Variants in R3HCC1L observed in about 807,000 individuals in gnomAD.
The protein encoded by R3HCC1L is coiled-coil domain-containing protein R3HCC1L.
R3HCC1L carries 51 observed loss-of-function variants against 59.9 expected under a neutral mutation model. The observed-to-expected ratio is 0.85, with a 90% confidence interval of 0.68 to 1.07. The LOEUF (loss-of-function observed/expected upper bound fraction) is 1.07, where lower values mean the gene tolerates loss of function less well. R3HCC1L is among the 50% of genes least tolerant of loss of function. The pLI is 0.00. For synonymous variants in R3HCC1L, 322 were observed against 315.2 expected (o/e 1.02, Z -0.23); for missense variants, 965 against 933.0 (o/e 1.03, Z -0.45).
At chr10:98,149,602 A>G (rs923300322) in intron 1 of R3HCC1L, among the ~76,000 whole-genome samples, 3 of 152,204 alleles carry the variant, frequency 2.0e-5, no homozygotes, top group Non-Finnish European at 4.4e-5. Flanking sequence ...TTCATTGATC[A>G]TTCAGATGTT....
intron 9 of R3HCC1L, 78 bp downstream of exon 9, chr10:98,236,242 A>C (rs1856944376): frequency 3.9e-6 from 6 of 1,527,218 alleles, no homozygotes; most frequent in African/African-American, 2.8e-5. Context: ...AAAATGAATG[A>C]AGCCCATTCC....
chr10:98,170,969 C>T (rs932141391), intron 4 of R3HCC1L, among the ~76,000 whole-genome samples: 9 of 152,220 alleles, frequency 5.9e-5, no homozygotes, highest in Non-Finnish European at 1.2e-4. Context: ...GAATAGCTTT[C>T]AGATGACCTA....
intron 1 of R3HCC1L, among the ~76,000 whole-genome samples, chr10:98,139,014 A>G (rs1844859182): frequency 4.6e-5 from 7 of 152,142 alleles, no homozygotes; most frequent in Admixed American, 4.6e-4. Flanking sequence ...ATACATCTAT[A>G]TTCATTCCCC....
At chr10:98,156,622 A>G (rs897552219) in intron 2 of R3HCC1L, among the ~76,000 whole-genome samples, 1 of 152,224 alleles carries the variant, frequency 6.6e-6, no homozygotes, top group Non-Finnish European at 1.5e-5. Flanking sequence ...CTCAGGGATT[A>G]GAAAATTTTA....
chr10:98,137,030 G>A (rs946882826), intron 1 of R3HCC1L, among the ~76,000 whole-genome samples: 3 of 152,098 alleles, frequency 2.0e-5, no homozygotes, highest in African/African-American at 4.8e-5. Context: ...CCAACATGGT[G>A]AAACCCCATC....
chr10:98,175,139 A>G lies in R3HCC1L; in HGVS notation c.-15+11742A>G, dbSNP rs576849731. On this transcript the variant is annotated intron_variant, in intron 4 of 9. Transcript: ENST00000298999. Reference sequence around the variant, plus strand: ...CTGCAGAATTAAATTGGGAAAGACTATGGCCTCAAGATTTAAGAAAGAAAC... The same window carrying G: ...CTGCAGAATTAAATTGGGAAAGACTGTGGCCTCAAGATTTAAGAAAGAAAC... 8.5e-5 allele frequency among the ~76,000 whole-genome samples: 13 copies of G among 152,226 alleles called. No individual in the cohort carries two copies. In the South Asian group the frequency reaches 1.0e-3, roughly 12 times the overall value.
In R3HCC1L at chr10:98,208,692, C is replaced by G. The variant is rs1458723484; in HGVS notation, c.578C>G (p.Pro193Arg). The change falls in exon 5 of 10, where the codon CCT becomes CGT. Residue 193 changes from proline (P) to arginine (R), a missense_variant. Physicochemically the swap from Pro to Arg is moderately radical, Grantham distance 103 (BLOSUM62 -2). Transcript: ENST00000298999. ...VEFCDFSRHE[P>R]DGEAFEDKDL... ...TTCTGTGACTTCAGTAGGCATGAACCTGATGGGGAAGCATTTGAAGACAAA... is the reference window on the plus strand; with the variant it reads ...TTCTGTGACTTCAGTAGGCATGAACGTGATGGGGAAGCATTTGAAGACAAA... 1 of 1,614,076 alleles carries G rather than the reference C, an allele frequency of 6.2e-7. No homozygotes were observed. Among genetic ancestry groups the G allele is most frequent in the Non-Finnish European group, 8.5e-7 (1 of 1,179,992 alleles).
At chr10:98,226,637 T>G (rs920269798) in intron 5 of R3HCC1L, among the ~76,000 whole-genome samples, 1 of 152,206 alleles carries the variant, frequency 6.6e-6, no homozygotes, top group African/African-American at 2.4e-5. Context: ...GGACTCAGGC[T>G]TTCTAGTAAG....
In R3HCC1L at chr10:98,209,073, G is replaced by A. The variant is rs1260267671; in HGVS notation, c.959G>A (p.Ser320Asn). The A allele has an allele frequency of 3.1e-6, 5 of 1,613,848 alleles. No individual in the cohort carries two copies. Among genetic ancestry groups the A allele is most frequent in the African/African-American group, 2.7e-5 (2 of 74,908 alleles). Residue 320 changes from serine (S) to asparagine (N), a missense_variant, in exon 5 of 10, where the codon AGC (serine) becomes AAC (asparagine). Ser to Asn is a conservative substitution (Grantham distance 46). Coordinates refer to ENST00000298999, the MANE Select transcript of R3HCC1L (RefSeq NM_001351015.2). ...ATGGGTCACATCTCTCTGTCAGAGA[G>A]CACAAATGACACTGTTAGTCCAGTA... is the stretch of plus-strand genomic sequence containing the variant. ...ATMGHISLSE[S>N]TNDTVSPVMI...
intron 4 of R3HCC1L, among the ~76,000 whole-genome samples, chr10:98,206,991 C>A (rs1188105049): frequency 6.6e-6 from 1 of 152,188 alleles, no homozygotes; most frequent in Non-Finnish European, 1.5e-5. Context: ...AGGAAAATAA[C>A]CTGTGCCATG....
chr10:98,138,247 C>G (rs1407601984), intron 1 of R3HCC1L, among the ~76,000 whole-genome samples: 2 of 152,116 alleles, frequency 1.3e-5, no homozygotes, highest in Non-Finnish European at 2.9e-5. Context: ...CTATGTTTTG[C>G]CAGCTTCTTT....
At chr10:98,183,450 G>GT (rs1433657760) in intron 4 of R3HCC1L, among the ~76,000 whole-genome samples, 6 of 150,696 alleles carry the variant, frequency 4.0e-5, no homozygotes, top group South Asian at 2.1e-4. Flanking sequence ...TGTTGTTGTT[G>GT]TTGTTTGTTT....
At chr10:98,156,765 A>G (rs574107083) in intron 2 of R3HCC1L, among the ~76,000 whole-genome samples, 47 of 152,310 alleles carry the variant, frequency 3.1e-4, no homozygotes, top group Middle Eastern at 3.4e-3. Flanking sequence ...TGACTTTCAG[A>G]AGTAAGGGGC....
intron 5 of R3HCC1L, among the ~76,000 whole-genome samples, chr10:98,227,742 C>G (rs1426877298): frequency 1.3e-5 from 2 of 151,814 alleles, no homozygotes; most frequent in East Asian, 1.9e-4. Flanking sequence ...TTCCCCCACC[C>G]CACAACAGGC....
chr10:98,188,106 CAAATT>C lies in R3HCC1L; in HGVS notation c.-14-19992_-14-19988del, dbSNP rs141182888. 5.9e-3 allele frequency among the ~76,000 whole-genome samples: 895 copies of C among 152,202 alleles called. 5 individuals are homozygous for C. Among genetic ancestry groups the C allele is most frequent in the African/African-American group, 0.021 (858 of 41,536 alleles). On this transcript the variant is annotated intron_variant, in intron 4 of 9. Transcript: ENST00000298999. ...TTTTACACACACACACACACAATCT[CAAATT>C]AAGGAGAAACATCTGAATTGATACT...
chr10:98,176,478 A>G (rs928759020), intron 4 of R3HCC1L, among the ~76,000 whole-genome samples: 10 of 152,088 alleles, frequency 6.6e-5, no homozygotes, highest in Non-Finnish European at 1.0e-4. Flanking sequence ...ATGCCTAAGC[A>G]TTTCATGTTT....
intron 1 of R3HCC1L, among the ~76,000 whole-genome samples, chr10:98,153,375 T>A (rs11189494): frequency 0.14 from 21,475 of 152,066 alleles, 1,734 homozygotes; most frequent in East Asian, 0.37. Flanking sequence ...TTAAGGGCGG[T>A]GCAACATGTG....
intron 6 of R3HCC1L, among the ~76,000 whole-genome samples, chr10:98,233,568 G>T (rs1048840950): frequency 6.6e-6 from 1 of 152,080 alleles, no homozygotes; most frequent in African/African-American, 2.4e-5. Flanking sequence ...CAGAGGAGCC[G>T]ACCTAGCTTC....
chr10:98,209,956 G>A (rs1853369026), intron 5 of R3HCC1L, 57 bp downstream of exon 5: 3 of 1,404,260 alleles, frequency 2.1e-6, no homozygotes, highest in Admixed American at 2.0e-5. Context: ...GGATTTCAGT[G>A]GTAATTTTGA....
Sources: allele counts gnomAD v4.1 joint callset (sites outside exome capture counted in the v4.1 genomes callset), GRCh38; gene constraint gnomAD v4.1.1; transcripts MANE v1.5; gene names NCBI Gene and HGNC (gene_info 2026-07-23, HGNC 2026-07-21).